Variants in LINGO2 observed in about 807,000 individuals in gnomAD.
LINGO2 encodes leucine rich repeat and Ig domain containing 2.
Under a neutral mutation model 30.6 loss-of-function variants are expected in LINGO2, and 14 were observed. The observed-to-expected ratio is 0.46, with a 90% confidence interval of 0.30 to 0.72. The LOEUF is 0.72. Among genes scored for constraint, LINGO2 ranks in the 30% least tolerant of loss-of-function variants. The pLI, the probability that LINGO2 is intolerant of heterozygous loss-of-function variation, is 0.07. For missense variants in LINGO2, 729 were observed against 751.7 expected (o/e 0.97, Z 0.35); for synonymous variants, 317 against 288.5 (o/e 1.10, Z -1.00).
chr9:28,985,360 A>G, the LINGO2 span, among the ~76,000 whole-genome samples: 1 of 152,066 alleles, frequency 6.6e-6, no homozygotes, highest in Non-Finnish European at 1.5e-5. Flanking sequence ...AACTGACTTC[A>G]AATCTTTTGG....
At chr9:27,949,635 G>T in exon 6 of LINGO2, 5 of 1,614,066 alleles carry the variant, frequency 3.1e-6, no homozygotes, top group South Asian at 1.1e-5. Context: ...GACCTCCAGA[G>T]CCCTAGGGGA....
intron 1 of LINGO2, among the ~76,000 whole-genome samples, chr9:28,515,743 A>G (rs1246962436): frequency 6.6e-6 from 1 of 152,214 alleles, no homozygotes; most frequent in African/African-American, 2.4e-5. Context: ...AATGACAACA[A>G]AGGATTTTAG....
At chr9:28,214,766 A>G (rs560240066) in intron 4 of LINGO2, among the ~76,000 whole-genome samples, 10 of 151,872 alleles carry the variant, frequency 6.6e-5, no homozygotes, top group African/African-American at 9.6e-5. Context: ...AGTAGAGCCA[A>G]TGGTACCCAC....
intron 1 of LINGO2, among the ~76,000 whole-genome samples, chr9:28,581,514 G>GAT (rs35833405): frequency 0.085 from 12,777 of 150,450 alleles, 710 homozygotes; most frequent in East Asian, 0.18. Flanking sequence ...AGTAAATTGT[G>GAT]ATATATATAT....
the LINGO2 span, among the ~76,000 whole-genome samples, chr9:28,949,522 A>T: frequency 1.3e-5 from 2 of 152,166 alleles, no homozygotes; most frequent in Non-Finnish European, 2.9e-5. Flanking sequence ...GAAATGGATA[A>T]ATTCCTGAAC....
chr9:28,535,902 T>C (rs74433617), intron 1 of LINGO2, among the ~76,000 whole-genome samples: 5,578 of 152,302 alleles, frequency 0.037, 301 homozygotes, highest in African/African-American at 0.12. Flanking sequence ...GGATTTGTAA[T>C]GCTCTTGGAG....
chr9:28,990,633 C>T, the LINGO2 span, among the ~76,000 whole-genome samples: 5 of 152,240 alleles, frequency 3.3e-5, no homozygotes, highest in East Asian at 3.9e-4. Context: ...ACACCTCACA[C>T]GGCCGGGTAC....
the LINGO2 span, among the ~76,000 whole-genome samples, chr9:29,024,995 A>G: frequency 6.6e-6 from 1 of 152,102 alleles, no homozygotes; most frequent in Middle Eastern, 3.2e-3. Context: ...ATCAAAAAAG[A>G]AAAAAACAGA....
the LINGO2 span, among the ~76,000 whole-genome samples, chr9:28,772,935 CA>C: frequency 6.6e-6 from 1 of 152,142 alleles, no homozygotes; most frequent in African/African-American, 2.4e-5. Context: ...AGCTAGAATT[CA>C]AACCTTTTGA....
chr9:28,351,626 G>C (rs1464549985), intron 3 of LINGO2, among the ~76,000 whole-genome samples: 1 of 143,702 alleles, frequency 7.0e-6, no homozygotes, highest in African/African-American at 2.6e-5. Flanking sequence ...TAGAAAAAGA[G>C]GGAATCCTCC....
chr9:29,067,675 G>C, the LINGO2 span, among the ~76,000 whole-genome samples: 1 of 149,856 alleles, frequency 6.7e-6, no homozygotes, highest in African/African-American at 2.4e-5. Flanking sequence ...AACAATCATA[G>C]TCAAATAATT....
At chr9:28,929,190 T>C in the LINGO2 span, among the ~76,000 whole-genome samples, 1 of 152,226 alleles carries the variant, frequency 6.6e-6, no homozygotes, top group African/African-American at 2.4e-5. Context: ...GGTTGCCTGC[T>C]CCACACCTTA....
chr9:28,327,357 C>T (rs111659006), intron 3 of LINGO2, among the ~76,000 whole-genome samples: 4,356 of 152,150 alleles, frequency 0.029, 142 homozygotes, highest in South Asian at 0.094. Context: ...GAAGAAGTCC[C>T]GAAAAAATGT....
the LINGO2 span, among the ~76,000 whole-genome samples, chr9:28,811,921 A>C: frequency 6.6e-6 from 1 of 152,158 alleles, no homozygotes; most frequent in Non-Finnish European, 1.5e-5. Flanking sequence ...ATTCACCCCT[A>C]GAACACAATG....
chr9:29,116,336 T>A, the LINGO2 span, among the ~76,000 whole-genome samples: 1 of 152,114 alleles, frequency 6.6e-6, no homozygotes. Flanking sequence ...TGGGCAAGCA[T>A]GTCTTTGTTC....
chr9:28,003,436 A>G (rs1822085309), intron 5 of LINGO2, among the ~76,000 whole-genome samples: 1 of 152,002 alleles, frequency 6.6e-6, no homozygotes, highest in South Asian at 2.1e-4. Context: ...GTTTACTATT[A>G]GAGGTGTTTT....
intron 2 of LINGO2, among the ~76,000 whole-genome samples, chr9:28,401,324 C>A (rs1282028509): frequency 6.6e-6 from 1 of 151,694 alleles, no homozygotes; most frequent in African/African-American, 2.4e-5. Context: ...GTGTCTTGTT[C>A]CCCTCCCTGT....
rs183630983 is a variant in LINGO2, at chr9:28,564,012, T to C, written c.-364-87987A>G. Among the ~76,000 whole-genome samples the C allele has an allele frequency of 1.9e-3, 283 of 152,254 alleles. 1 individual carries two copies. Among genetic ancestry groups the C allele is most frequent in the African/African-American group, 6.4e-3 (268 of 41,570 alleles). On this transcript the variant is annotated intron_variant, in intron 1 of 5. Transcript: ENST00000379992. ...ATAAAGTCACTGATAATCAGACCAATGTCTGCACATACGTGTTTAAATCAA... is the reference window on the plus strand; with the variant it reads ...ATAAAGTCACTGATAATCAGACCAACGTCTGCACATACGTGTTTAAATCAA...
the LINGO2 span, among the ~76,000 whole-genome samples, chr9:28,719,273 C>G: frequency 2.0e-5 from 3 of 152,136 alleles, no homozygotes; most frequent in South Asian, 6.2e-4. Context: ...CCACAACGAA[C>G]ATGTTGAACA....
Sources: allele counts gnomAD v4.1 joint callset (sites outside exome capture counted in the v4.1 genomes callset), GRCh38; gene constraint gnomAD v4.1.1; transcripts MANE v1.5; gene names NCBI Gene and HGNC (gene_info 2026-07-23, HGNC 2026-07-21).